The following GTF3C3 variants were observed in gnomAD, a reference collection of about 807,000 sequenced individuals.
GTF3C3 encodes general transcription factor 3C polypeptide 3.
In GTF3C3, 75 loss-of-function variants were observed where a neutral mutation model predicts 105.2. The observed-to-expected ratio is 0.71, with a 90% CI of 0.59 to 0.86. The LOEUF (loss-of-function observed/expected upper bound fraction) is 0.86, where lower values mean the gene tolerates loss of function less well. Among genes scored for constraint, GTF3C3 ranks in the 40% least tolerant of loss-of-function variants. The probability of loss-of-function intolerance (pLI) is 0.00; values close to 1 mark genes in which losing one functional copy is unlikely to be tolerated. For synonymous variants in GTF3C3, 335 were observed against 370.4 expected, an observed-to-expected ratio of 0.90 and a Z score of 1.10; for missense variants, 856 against 1,076.5, an observed-to-expected ratio of 0.80 and a Z score of 2.87.
At chr2:196,781,357 A>AAAAAAAAAAATATATATAT in intron 8 of GTF3C3, among the ~76,000 whole-genome samples, 1 of 18,812 alleles carries the variant, frequency 5.3e-5, no homozygotes, top group African/African-American at 1.0e-4. Context: ...AAAAAAAAAA[A>AAAAAAAAAAATATATATAT]ATATATATAT....
chr2:196,776,292 TA>T lies in GTF3C3; in HGVS notation c.1593+134del. 1.3e-6 allele frequency: 1 copy of T among 783,456 alleles called. No individual in the cohort carries two copies. Among genetic ancestry groups the T allele is most frequent in the Non-Finnish European group, 2.0e-6 (1 of 489,048 alleles). The allele number at this position is 783,456 out of a possible 1,614,324, so 48.5% of individuals were successfully genotyped here. A position where few individuals can be genotyped will look rare whatever the true frequency, so the allele number is the denominator to read the frequency against. ...CAACCAGTGGCTGAAATCCAATACT[TA>T]AAATCATTTTTCAAAAACTTGAATA... On this transcript the variant is annotated intron_variant, in intron 11 of 17. Transcript: ENST00000263956. This position sits in a 1 kb window ranked among gnomAD's most constrained non-coding sequence, Gnocchi z 4.5.
intron 2 of GTF3C3, among the ~76,000 whole-genome samples, chr2:196,797,004 T>A (rs370401450): frequency 2.0e-5 from 3 of 152,212 alleles, no homozygotes; most frequent in Admixed American, 6.5e-5. Flanking sequence ...TATGACTGTC[T>A]GTTCTCTGTG....
chr2:196,786,161 T>G lies in GTF3C3; in HGVS notation c.894-573A>C, dbSNP rs1699450043. On this transcript the variant is annotated intron_variant, in intron 6 of 17. Coordinates refer to ENST00000263956, the MANE Select transcript of GTF3C3 (RefSeq NM_012086.5). The surrounding 1 kb of genome is among the most constrained non-coding windows in gnomAD (Gnocchi z 4.2). ...CCATGGTACTGATGAGCAGTATTAC[T>G]ACAGTTACCTATTTCAGTACTTCTC... Among the ~76,000 whole-genome samples the G allele has an allele frequency of 6.6e-6, 1 of 152,152 alleles. No individual in the cohort carries two copies. The highest frequency in any genetic ancestry group is 2.1e-4 in the South Asian group (1 of 4,832).
chr2:196,796,026 G>C (rs935976330), intron 2 of GTF3C3, among the ~76,000 whole-genome samples: 2 of 152,190 alleles, frequency 1.3e-5, no homozygotes, highest in Non-Finnish European at 2.9e-5. Flanking sequence ...CAGTGTGTAA[G>C]AACGGTGTGA....
At chr2:196,781,353 A>ATATATAT (rs1376220822) in intron 8 of GTF3C3, among the ~76,000 whole-genome samples, 33 of 23,102 alleles carry the variant, frequency 1.4e-3, no homozygotes, top group South Asian at 6.9e-3. Context: ...AAAAAAAAAA[A>ATATATAT]AAAAATATAT....
chr2:196,781,357 A>AAAAAAAT, intron 8 of GTF3C3, among the ~76,000 whole-genome samples: 1 of 18,816 alleles, frequency 5.3e-5, no homozygotes, highest in African/African-American at 1.0e-4. Context: ...AAAAAAAAAA[A>AAAAAAAT]ATATATATAT....
chr2:196,775,598 A>G (rs1699247218), intron 12 of GTF3C3, among the ~76,000 whole-genome samples: 2 of 152,220 alleles, frequency 1.3e-5, no homozygotes, highest in African/African-American at 2.4e-5. Flanking sequence ...TCAGAAAGAA[A>G]AAAGGCAATT....
In GTF3C3 at chr2:196,789,349, T is replaced by G; in HGVS notation, c.748A>C (p.Asn250His). 6.3e-7 allele frequency: 1 copy of G among 1,598,528 alleles called. No individual in the cohort carries two copies. Among genetic ancestry groups the G allele is most frequent in the African/African-American group, 1.3e-5 (1 of 74,120 alleles). ...GATCGCTCCCACAGATAACGGACAT[T>G]AGTAGGTTCATATTTAAGAGCTAAA... ...YTKALKYEPT[N>H]VRYLWERSSL... is the part of the protein sequence containing the mutation. The change falls in exon 6 of 18, where the codon AAT becomes CAT. Residue 250 changes from asparagine to histidine, a missense_variant. Transcript: ENST00000263956.
intron 7 of GTF3C3, 23 bp from the exon 8 acceptor site, chr2:196,784,952 AG>A: frequency 6.7e-7 from 1 of 1,488,258 alleles, no homozygotes; most frequent in Non-Finnish European, 9.3e-7. Context: ...GAAAGAAGAA[AG>A]GAAATAAAAT....
chr2:196,775,363 C>G (rs1699243200), intron 12 of GTF3C3, 112 bp from the exon 13 acceptor site: 3 of 884,268 alleles, frequency 3.4e-6, no homozygotes, highest in Non-Finnish European at 5.0e-6. Flanking sequence ...TCAAGTGATC[C>G]TCTCACCTTA....
intron 17 of GTF3C3, 105 bp from the exon 18 acceptor site, chr2:196,764,790 TA>T (rs1699032243): frequency 1.0e-6 from 1 of 986,826 alleles, no homozygotes. Flanking sequence ...TTTCAAAAGG[TA>T]TTAAAGCTCA....
In GTF3C3 at chr2:196,768,791, G is replaced by C. The variant is rs546002088; in HGVS notation, c.2385+1124C>G. 3.9e-5 allele frequency among the ~76,000 whole-genome samples: 6 copies of C among 152,048 alleles called. No homozygotes were observed. In the South Asian group the frequency reaches 1.2e-3, roughly 32 times the overall value. On this transcript the variant is annotated intron_variant, in intron 16 of 17. Transcript: ENST00000263956. ...TGAAATTTAGCTTCCATATTACTTT[G>C]AAGTACATGAATTTTTGTCCTACCA...
chr2:196,794,176 C>T (rs1699598695), intron 2 of GTF3C3, among the ~76,000 whole-genome samples: 1 of 152,136 alleles, frequency 6.6e-6, no homozygotes. Flanking sequence ...CCTACATCGT[C>T]TTGGGACTCT....
Position 196,781,357 on chromosome 2 carries a change from A to AATATAT in GTF3C3, c.1115-701_1115-696dup, listed in dbSNP as rs1553578901. Among the ~76,000 whole-genome samples, 145 of 18,748 alleles carry AATATAT rather than the reference A, an allele frequency of 7.7e-3. 3 individuals are homozygous for AATATAT. The highest frequency in any genetic ancestry group is 0.013 in the South Asian group (4 of 304). 12.3% of individuals were successfully genotyped at this position (18,748 alleles called of 152,430 possible). A position where few individuals can be genotyped will look rare whatever the true frequency, so the allele number is the denominator to read the frequency against. On this transcript the variant is annotated intron_variant, in intron 8 of 17. Coordinates refer to ENST00000263956, the MANE Select transcript of GTF3C3 (RefSeq NM_012086.5). Reference sequence around the variant, plus strand: ...ATGTTAAGGGGAAAAAAAAAAAAAAAATATATATATATATATATATATATA... The same window carrying AATATAT: ...ATGTTAAGGGGAAAAAAAAAAAAAAAATATATATATATATATATATATATATATATA...
intron 17 of GTF3C3, 77 bp from the exon 18 acceptor site, chr2:196,764,762 T>G (rs1347703986): frequency 7.5e-7 from 1 of 1,331,882 alleles, no homozygotes; most frequent in Non-Finnish European, 1.0e-6. Context: ...ATTAATAGTT[T>G]TATAAGTGTA....
chr2:196,764,924 C>T (rs755429708), intron 17 of GTF3C3, among the ~76,000 whole-genome samples: 1 of 151,832 alleles, frequency 6.6e-6, no homozygotes, highest in Non-Finnish European at 1.5e-5. Flanking sequence ...GCAGAATAAA[C>T]GCCAGATGAA....
At chr2:196,766,530 A>AAATG (rs1234989369) in intron 17 of GTF3C3, 35 bp downstream of exon 17, 3 of 1,544,886 alleles carry the variant, frequency 1.9e-6, no homozygotes, top group Non-Finnish European at 2.6e-6. Flanking sequence ...CAGACAGATG[A>AAATG]AATGAAGTGT....
intron 16 of GTF3C3, among the ~76,000 whole-genome samples, chr2:196,767,506 T>C (rs1052617791): frequency 2.0e-5 from 3 of 152,210 alleles, no homozygotes; most frequent in East Asian, 1.9e-4. Context: ...AATTATTCTC[T>C]AGATGATCTG....
At chr2:196,795,555 A>G (rs1699628039) in intron 2 of GTF3C3, among the ~76,000 whole-genome samples, 1 of 150,846 alleles carries the variant, frequency 6.6e-6, no homozygotes, top group Non-Finnish European at 1.5e-5. Flanking sequence ...AAGGAACAAA[A>G]GAAGAAAAAT....
Sources: gnomAD v4.1 joint callset for allele counts (sites outside exome capture counted in the v4.1 genomes callset) on GRCh38, gnomAD v4.1.1 for gene constraint, Gnocchi (gnomAD v3.1) non-coding constraint, MANE v1.5 for transcripts, NCBI Gene and HGNC (gene_info 2026-07-23, HGNC 2026-07-21) for gene names.